The following DAP variants were observed in gnomAD, a reference collection of about 807,000 sequenced individuals.
The protein encoded by DAP is death associated protein.
A neutral mutation model predicts 13.8 loss-of-function variants in DAP; 8 were observed. The ratio of observed to expected loss-of-function variants is 0.58; its 90% confidence interval spans 0.34 to 1.05. The LOEUF (loss-of-function observed/expected upper bound fraction) is 1.05, where lower values mean the gene tolerates loss of function less well. DAP is among the 50% of genes least tolerant of loss of function. The pLI is 0.03. For missense variants in DAP, 106 were observed against 133.2 expected (o/e 0.80, Z 1.01); for synonymous variants, 47 against 47.5 (o/e 0.99, Z 0.04).
rs1738718876 is a variant in DAP, at chr5:10,707,206, G to A, written c.153-23635C>T. On this transcript the variant is annotated intron_variant, in intron 2 of 3. Transcript: ENST00000230895. This position sits in a 1 kb window ranked among gnomAD's most constrained non-coding sequence, Gnocchi z 4.0. ...AGGGGAAGGCCAAGGTGCTAAAGGA[G>A]CACACAGCAGGGGTTTAAACTGGTT... 6.6e-6 allele frequency among the ~76,000 whole-genome samples: 1 copy of A among 152,194 alleles called. No individual in the cohort carries two copies. Among genetic ancestry groups the A allele is most frequent in the Non-Finnish European group, 1.5e-5 (1 of 68,034 alleles).
Position 10,761,186 on chromosome 5 carries a change from G to A in DAP, c.-118C>T, listed in dbSNP as rs891521085. The A allele has an allele frequency of 6.8e-6, 3 of 440,926 alleles. No homozygotes were observed. Among genetic ancestry groups the A allele is most frequent in the African/African-American group, 2.1e-5 (1 of 46,642 alleles). The allele number at this position is 440,926 out of a possible 1,614,324, so 27.3% of individuals were successfully genotyped here. ...GCGAGCGGGCGGGAGAACGACGCGCGCGCGTGGGGCGCCGGGGCCGCGCGA... is the reference window on the plus strand; with the variant it reads ...GCGAGCGGGCGGGAGAACGACGCGCACGCGTGGGGCGCCGGGGCCGCGCGA... On this transcript the variant is annotated 5_prime_UTR_variant, in exon 1 of 4. Coordinates refer to ENST00000230895, the MANE Select transcript of DAP (RefSeq NM_004394.3).
intron 2 of DAP, among the ~76,000 whole-genome samples, chr5:10,689,082 C>T (rs1253833300): frequency 3.9e-5 from 6 of 152,124 alleles, no homozygotes; most frequent in East Asian, 3.9e-4. Flanking sequence ...GCATTGATCA[C>T]GACAAGGGTG....
intron 2 of DAP, among the ~76,000 whole-genome samples, chr5:10,695,821 G>A (rs1343218247): frequency 6.6e-6 from 1 of 152,038 alleles, no homozygotes; most frequent in African/African-American, 2.4e-5. Flanking sequence ...TCCACCCACA[G>A]ATATTTGGCT....
intron 2 of DAP, among the ~76,000 whole-genome samples, chr5:10,687,878 G>A: frequency 7.1e-6 from 1 of 140,310 alleles, no homozygotes; most frequent in African/African-American, 2.7e-5. Context: ...GTTGATCTAT[G>A]TTCTATGTCA....
At chr5:10,710,395 T>G (rs1005262368) in intron 2 of DAP, among the ~76,000 whole-genome samples, 6 of 152,204 alleles carry the variant, frequency 3.9e-5, no homozygotes, top group African/African-American at 1.4e-4. Context: ...TAGCTCCTGT[T>G]CTCTGTGTTC....
At chr5:10,741,101 A>C (rs1022008667) in intron 2 of DAP, among the ~76,000 whole-genome samples, 1 of 152,242 alleles carries the variant, frequency 6.6e-6, no homozygotes, top group Non-Finnish European at 1.5e-5. Context: ...CTGTAATCCC[A>C]GCACTATGGG....
chr5:10,732,944 C>T (rs1407081291), intron 2 of DAP, among the ~76,000 whole-genome samples: 3 of 152,198 alleles, frequency 2.0e-5, no homozygotes, highest in Non-Finnish European at 4.4e-5. Context: ...ACATTAAACA[C>T]TAATCCACAT....
chr5:10,739,136 A>G (rs1175938379), intron 2 of DAP, among the ~76,000 whole-genome samples: 7 of 131,716 alleles, frequency 5.3e-5, no homozygotes, highest in African/African-American at 2.0e-4. Context: ...TGGGAGGTGG[A>G]GCTTGCAGAG....
At chr5:10,710,635 A>G (rs915462631) in intron 2 of DAP, among the ~76,000 whole-genome samples, 3 of 152,218 alleles carry the variant, frequency 2.0e-5, no homozygotes, top group Non-Finnish European at 4.4e-5. Context: ...GCTGGTGGGA[A>G]GCACAGAGCC....
Position 10,715,568 on chromosome 5 carries a change from C to CA in DAP, c.153-31998dup, listed in dbSNP as rs5745221. On this transcript the variant is annotated intron_variant, in intron 2 of 3. Transcript: ENST00000230895. ...TACCAGGCAGTTCCTGAAGACCCAGCAAAGGTACTTTTGAAGAAGCTGCTG... is the reference window on the plus strand; with the variant it reads ...TACCAGGCAGTTCCTGAAGACCCAGCAAAAGGTACTTTTGAAGAAGCTGCTG... Among the ~76,000 whole-genome samples the CA allele has an allele frequency of 2.0e-5, 3 of 152,194 alleles. No individual in the cohort carries two copies. The South Asian group carries it at 6.2e-4, about 32-fold the overall frequency.
intron 2 of DAP, among the ~76,000 whole-genome samples, chr5:10,724,076 C>T (rs1490373327): frequency 6.6e-6 from 1 of 152,148 alleles, no homozygotes; most frequent in Admixed American, 6.5e-5. Context: ...CTTGTGCTAC[C>T]CTCAAAATGT....
intron 2 of DAP, chr5:10,733,882 T>G (rs1490305760): frequency 6.6e-6 from 1 of 152,228 alleles, no homozygotes; most frequent in South Asian, 2.1e-4. Flanking sequence ...ACAATTGAAG[T>G]CAACAGGGCT....
intron 2 of DAP, among the ~76,000 whole-genome samples, chr5:10,745,106 ATGAT>A (rs1384715900): frequency 5.3e-5 from 8 of 152,212 alleles, no homozygotes; most frequent in African/African-American, 1.7e-4. Flanking sequence ...AGTGATGATG[ATGAT>A]TGATTATGAT....
At chr5:10,751,454 G>C (rs182911210) in intron 1 of DAP, among the ~76,000 whole-genome samples, 1 of 151,960 alleles carries the variant, frequency 6.6e-6, no homozygotes, top group Non-Finnish European at 1.5e-5. Context: ...TGAATGTTTC[G>C]GGCTCAAGGA....
chr5:10,758,570 G>C (rs1740256874), intron 1 of DAP, among the ~76,000 whole-genome samples: 1 of 152,182 alleles, frequency 6.6e-6, no homozygotes, highest in African/African-American at 2.4e-5. Context: ...TACTAGAGGA[G>C]TTTACCTGGG....
chr5:10,751,806 G>A (rs1167000378), intron 1 of DAP, among the ~76,000 whole-genome samples: 1 of 152,218 alleles, frequency 6.6e-6, no homozygotes, highest in Non-Finnish European at 1.5e-5. Context: ...CCATCTGCAA[G>A]CCCAGGAGAG....
chr5:10,743,817 T>C (rs267949), intron 2 of DAP, among the ~76,000 whole-genome samples: 92,379 of 152,070 alleles, frequency 0.61, 29,576 homozygotes, highest in Non-Finnish European at 0.71. Context: ...AGACTATTAC[T>C]CTTCCTGGAC....
chr5:10,714,116 A>C (rs1738923335), intron 2 of DAP, among the ~76,000 whole-genome samples: 1 of 152,222 alleles, frequency 6.6e-6, no homozygotes, highest in East Asian at 1.9e-4. Flanking sequence ...TTTTGACGTA[A>C]CACAGATCTA....
intron 2 of DAP, among the ~76,000 whole-genome samples, chr5:10,697,644 G>C (rs1360346546): frequency 1.3e-5 from 2 of 152,082 alleles, no homozygotes; most frequent in Non-Finnish European, 2.9e-5. Context: ...TTTTAAATAG[G>C]ATAAAACTAT....
Sources: gnomAD v4.1 joint callset for allele counts (sites outside exome capture counted in the v4.1 genomes callset) on GRCh38, gnomAD v4.1.1 for gene constraint, Gnocchi (gnomAD v3.1) non-coding constraint, MANE v1.5 for transcripts, NCBI Gene and HGNC (gene_info 2026-07-23, HGNC 2026-07-21) for gene names.